The following GABRB1 variants were observed in gnomAD, a reference collection of about 807,000 sequenced individuals.
GABRB1 encodes the protein gamma-aminobutyric acid receptor subunit beta-1.
Under a neutral mutation model 51.6 loss-of-function variants are expected in GABRB1, and 17 were observed. The observed-to-expected ratio is 0.33, with a 90% confidence interval of 0.23 to 0.49. The LOEUF (loss-of-function observed/expected upper bound fraction) is 0.49. Ranked by LOEUF, GABRB1 falls within the 20% of genes least tolerant of loss-of-function variation. The pLI is 0.99. For synonymous variants in GABRB1, 247 were observed against 218.9 expected, an observed-to-expected ratio of 1.13 and a Z score of -1.14; for missense variants, 410 against 600.6, an observed-to-expected ratio of 0.68 and a Z score of 3.32.
chr4:47,209,377 A>T (rs1458618081), intron 4 of GABRB1, among the ~76,000 whole-genome samples: 2 of 152,164 alleles, frequency 1.3e-5, no homozygotes, highest in African/African-American at 4.8e-5. Context: ...TAAACAAAGA[A>T]AAATTCCAGA....
At chr4:47,388,522 T>C (rs1411772820) in intron 5 of GABRB1, among the ~76,000 whole-genome samples, 3 of 152,126 alleles carry the variant, frequency 2.0e-5, no homozygotes, top group East Asian at 3.9e-4. Context: ...GAAAACATGG[T>C]TGGATTCTAT....
intron 1 of GABRB1, among the ~76,000 whole-genome samples, chr4:46,998,716 T>A (rs991725089): frequency 2.4e-5 from 3 of 124,826 alleles, no homozygotes; most frequent in Non-Finnish European, 4.7e-5. Context: ...CCTGGGCCAC[T>A]GAGCAAGACT....
At chr4:47,041,705 A>C (rs1357164378) in intron 3 of GABRB1, among the ~76,000 whole-genome samples, 1 of 152,054 alleles carries the variant, frequency 6.6e-6, no homozygotes, top group Non-Finnish European at 1.5e-5. Context: ...CTTAAGATTT[A>C]TTATTTTCAA....
At chr4:47,399,050 G>C (rs1201400923) in intron 5 of GABRB1, among the ~76,000 whole-genome samples, 1 of 152,096 alleles carries the variant, frequency 6.6e-6, no homozygotes, top group Non-Finnish European at 1.5e-5. Flanking sequence ...TTGGCCTCTC[G>C]AAGTGCTGGG....
In GABRB1 at chr4:47,019,911, T is replaced by TGTATAC. The variant is rs1553909566; in HGVS notation, c.-19-11998_-19-11997insCGTATA. ...TAATATATGTATATGTATATGTATA[T>TGTATAC]GTATATGTATACGTATATGTATACG... is the stretch of plus-strand genomic sequence containing the variant. On this transcript the variant is annotated intron_variant, in intron 1 of 3. Coordinates refer to the GABRB1 transcript ENST00000513567. 6.3e-4 allele frequency among the ~76,000 whole-genome samples: 94 copies of TGTATAC among 148,348 alleles called. 1 individual carries two copies. Among genetic ancestry groups the TGTATAC allele is most frequent in the African/African-American group, 1.3e-3 (51 of 40,282 alleles).
intron 3 of GABRB1, among the ~76,000 whole-genome samples, chr4:47,083,439 T>C (rs935453806): frequency 3.3e-5 from 5 of 152,204 alleles, no homozygotes; most frequent in Admixed American, 6.6e-5. Flanking sequence ...GATTTTCATG[T>C]CCAATTTTAT....
At chr4:47,388,537 G>C (rs536910089) in intron 5 of GABRB1, among the ~76,000 whole-genome samples, 3 of 152,172 alleles carry the variant, frequency 2.0e-5, no homozygotes, top group Non-Finnish European at 2.9e-5. Flanking sequence ...TTCTATGATC[G>C]CAAATCTGGG....
At chr4:47,253,854 T>G (rs1275253012) in intron 4 of GABRB1, among the ~76,000 whole-genome samples, 2 of 152,200 alleles carry the variant, frequency 1.3e-5, no homozygotes, top group Non-Finnish European at 2.9e-5. Context: ...AAATGTTTCA[T>G]AATGAAATTG....
chr4:47,243,081 T>A (rs997461692), intron 4 of GABRB1, among the ~76,000 whole-genome samples: 36 of 152,206 alleles, frequency 2.4e-4, no homozygotes, highest in African/African-American at 8.7e-4. Flanking sequence ...AAGGAAGGGA[T>A]CCAGTTTCAG....
chr4:47,218,798 A>G (rs1720654658), intron 4 of GABRB1, among the ~76,000 whole-genome samples: 1 of 151,858 alleles, frequency 6.6e-6, no homozygotes, highest in Non-Finnish European at 1.5e-5. Context: ...CATGAGTGAT[A>G]AACAATGAAA....
chr4:47,098,642 G>A (rs1318938454), intron 3 of GABRB1, among the ~76,000 whole-genome samples: 3 of 152,092 alleles, frequency 2.0e-5, no homozygotes, highest in Admixed American at 6.6e-5. Context: ...TCTGACAACA[G>A]CATAGAGGTG....
intron 3 of GABRB1, among the ~76,000 whole-genome samples, chr4:47,039,844 A>G (rs1725752803): frequency 6.6e-6 from 1 of 152,206 alleles, no homozygotes. Flanking sequence ...AGGATTGTCA[A>G]GAGATCAGAC....
At chr4:47,045,591 A>G (rs1181323211) in intron 3 of GABRB1, among the ~76,000 whole-genome samples, 1 of 151,986 alleles carries the variant, frequency 6.6e-6, no homozygotes, top group Non-Finnish European at 1.5e-5. Context: ...AGATCAAGGC[A>G]CTGACAGATT....
chr4:47,352,250 G>T (rs1389450909), intron 5 of GABRB1, among the ~76,000 whole-genome samples: 1 of 152,132 alleles, frequency 6.6e-6, no homozygotes, highest in African/African-American at 2.4e-5. Flanking sequence ...CCAATAACAG[G>T]ATCTGAAATT....
intron 4 of GABRB1, among the ~76,000 whole-genome samples, chr4:47,206,792 T>C (rs1720141185): frequency 6.6e-6 from 1 of 151,658 alleles, no homozygotes. Context: ...TTTGTACAGC[T>C]AGAGAATATA....
At position 47,085,510 on chromosome 4, in the gene GABRB1, C is replaced by T. The variant is rs574638721; in HGVS notation, c.240+53026C>T. ...ACAATAGAAATACTTTCCATATTGG[C>T]ATTTGACACGGATTGAAACAGTATA... On this transcript the variant is annotated intron_variant, in intron 3 of 8. Transcript: ENST00000295454. Among the ~76,000 whole-genome samples the T allele has an allele frequency of 1.5e-3, 226 of 152,258 alleles. 3 individuals are homozygous for T. Among genetic ancestry groups the T allele is most frequent in the African/African-American group, 5.3e-3 (220 of 41,546 alleles).
intron 1 of GABRB1, among the ~76,000 whole-genome samples, chr4:47,019,863 C>T (rs150437478): frequency 2.6e-4 from 36 of 140,838 alleles, no homozygotes; most frequent in African/African-American, 9.8e-4. Context: ...ATGCCACCAC[C>T]CTGGCTAATT....
intron 3 of GABRB1, among the ~76,000 whole-genome samples, chr4:47,034,057 T>C (rs1348921267): frequency 2.0e-5 from 3 of 152,178 alleles, no homozygotes; most frequent in Non-Finnish European, 2.9e-5. Context: ...AGTTGTATCA[T>C]GTAGATTAAT....
intron 3 of GABRB1, among the ~76,000 whole-genome samples, chr4:47,074,395 T>C (rs1560521990): frequency 6.6e-6 from 1 of 152,336 alleles, no homozygotes; most frequent in East Asian, 1.9e-4. Flanking sequence ...TTTCCTTGCA[T>C]TAAACTTTAC....
Sources: gnomAD v4.1 joint callset for allele counts (sites outside exome capture counted in the v4.1 genomes callset) on GRCh38, gnomAD v4.1.1 for gene constraint, MANE v1.5 for transcripts, NCBI Gene and HGNC (gene_info 2026-07-23, HGNC 2026-07-21) for gene names.